AFAP1L2: variants seen among roughly 807,000 people sequenced by gnomAD.
AFAP1L2 encodes actin filament-associated protein 1-like 2.
Under a neutral mutation model 99.3 loss-of-function variants are expected in AFAP1L2, and 46 were observed. That is an observed-to-expected ratio of 0.46 (90% CI 0.37 to 0.59). AFAP1L2 has a LOEUF of 0.59. AFAP1L2 is among the 20% of genes least tolerant of loss of function. The pLI, the probability that AFAP1L2 is intolerant of heterozygous loss-of-function variation, is 0.00. For missense variants in AFAP1L2, 959 were observed against 1,034.9 expected (o/e 0.93, Z 1.01); for synonymous variants, 397 against 419.1 (o/e 0.95, Z 0.64).
intron 5 of AFAP1L2, among the ~76,000 whole-genome samples, chr10:114,320,431 T>C (rs2045010321): frequency 6.6e-6 from 1 of 152,210 alleles, no homozygotes; most frequent in Non-Finnish European, 1.5e-5. Flanking sequence ...CATGTCACAC[T>C]GTTTGACCAG....
downstream of AFAP1L2, among the ~76,000 whole-genome samples, chr10:114,293,854 G>A (rs1449526685): frequency 1.3e-5 from 2 of 151,938 alleles, no homozygotes; most frequent in African/African-American, 4.8e-5. Context: ...TTGTCATTTT[G>A]CATTGCCTGG....
chr10:114,289,008 T>C, the AFAP1L2 span: 7 of 1,614,108 alleles, frequency 4.3e-6, no homozygotes, highest in Admixed American at 1.7e-5. Flanking sequence ...CCGAGAATTT[T>C]GCTCAGATGC....
At chr10:114,384,231 G>A (rs1445994077) in intron 1 of AFAP1L2, among the ~76,000 whole-genome samples, 2 of 152,158 alleles carry the variant, frequency 1.3e-5, no homozygotes, top group Non-Finnish European at 2.9e-5. Context: ...TGGCAGCCAC[G>A]AATCCCATCC....
At chr10:114,327,517 G>A (rs538103277) in intron 4 of AFAP1L2, among the ~76,000 whole-genome samples, 37 of 152,190 alleles carry the variant, frequency 2.4e-4, no homozygotes, top group African/African-American at 7.7e-4. Context: ...AAGGGACTGC[G>A]TGAGCGAGTC....
At chr10:114,290,448 A>T (rs2133718823), downstream of AFAP1L2, 2 of 1,522,124 alleles carry the variant, frequency 1.3e-6, no homozygotes, top group Non-Finnish European at 1.8e-6. Flanking sequence ...AGCTGAAGGC[A>T]GGTTCTAAAA....
chr10:114,281,834 A>G, the AFAP1L2 span: 1 of 808,108 alleles, frequency 1.2e-6, no homozygotes, highest in Non-Finnish European at 1.5e-6. Context: ...AGTGAAGACC[A>G]GAGGAGGAAA....
chr10:114,348,388 C>T (rs915676015), intron 1 of AFAP1L2, among the ~76,000 whole-genome samples: 1 of 152,194 alleles, frequency 6.6e-6, no homozygotes, highest in African/African-American at 2.4e-5. Flanking sequence ...TCTCCCTACT[C>T]CCACAGCATG....
At chr10:114,281,868 C>A in the AFAP1L2 span, 46 of 473,250 alleles carry the variant, frequency 9.7e-5, no homozygotes, top group Admixed American at 5.1e-4. Flanking sequence ...GGTCACACAG[C>A]CAAAATCCAG....
chr10:114,384,145 A>ACATCC (rs764631501), intron 1 of AFAP1L2, among the ~76,000 whole-genome samples: 2 of 152,298 alleles, frequency 1.3e-5, no homozygotes, highest in Non-Finnish European at 2.9e-5. Flanking sequence ...AGAGGAGGAG[A>ACATCC]CATCCCATAA....
Position 114,323,195 on chromosome 10 carries a change from C to T in AFAP1L2, c.382G>A (p.Glu128Lys), listed in dbSNP as rs1385396847. 6.2e-7 allele frequency: 1 copy of T among 1,600,652 alleles called. No individual in the cohort carries two copies. Among genetic ancestry groups the T allele is most frequent in the Non-Finnish European group, 8.5e-7 (1 of 1,172,602 alleles). The change falls in exon 5 of 19, where the codon GAG becomes AAG. Residue 128 changes from glutamate (E) to lysine (K), a missense_variant. Physicochemically the swap from Glu to Lys is moderately conservative, Grantham distance 56. Around this residue, in one of 2 missense-constraint regions of AFAP1L2, gnomAD observed 383 missense variants for 472.8 expected, o/e 0.81. Coordinates refer to ENST00000304129, the MANE Select transcript of AFAP1L2 (RefSeq NM_001001936.3). ...ESPEGYYEEA[E>K]PYDTSLNEDG... The stretch of plus-strand genomic sequence containing the variant: ...CCATTGAGGGATGTGTCATATGGCT[C>T]AGCCTCTTCATAGTAGCCCTCTGGA...
intron 1 of AFAP1L2, among the ~76,000 whole-genome samples, chr10:114,394,658 G>C (rs1346441899): frequency 6.6e-6 from 1 of 152,156 alleles, no homozygotes; most frequent in Non-Finnish European, 1.5e-5. Flanking sequence ...GAGGAAGCAA[G>C]AGATGCAGGT....
intron 4 of AFAP1L2, among the ~76,000 whole-genome samples, chr10:114,324,423 T>C (rs1304895088): frequency 7.1e-6 from 1 of 140,554 alleles, no homozygotes; most frequent in African/African-American, 2.8e-5. Context: ...GGCTAATTTT[T>C]GTATTTTTAG....
At chr10:114,364,851 G>A (rs1022376136) in intron 1 of AFAP1L2, among the ~76,000 whole-genome samples, 1 of 152,152 alleles carries the variant, frequency 6.6e-6, no homozygotes, top group African/African-American at 2.4e-5. Context: ...GGCCAGGAAT[G>A]GGAGGGGGAG....
downstream of AFAP1L2, among the ~76,000 whole-genome samples, chr10:114,292,122 CA>C (rs2039658401): frequency 6.6e-6 from 1 of 151,970 alleles, no homozygotes. Flanking sequence ...ACTAAAAATA[CA>C]AAAGGTAGCC....
At chr10:114,288,308 A>G in the AFAP1L2 span, among the ~76,000 whole-genome samples, 1 of 152,200 alleles carries the variant, frequency 6.6e-6, no homozygotes, top group African/African-American at 2.4e-5. Context: ...CGCTGCCGAC[A>G]TCATTTGTAA....
chr10:114,312,944 A>C (rs891964675), intron 7 of AFAP1L2, among the ~76,000 whole-genome samples: 3 of 152,176 alleles, frequency 2.0e-5, no homozygotes, highest in African/African-American at 7.2e-5. Flanking sequence ...TACTCAGCCT[A>C]GGGGTGGACC....
chr10:114,401,978 G>A (rs765431724), intron 1 of AFAP1L2, among the ~76,000 whole-genome samples: 3 of 152,214 alleles, frequency 2.0e-5, no homozygotes, highest in Non-Finnish European at 2.9e-5. Context: ...CTACCTGAGA[G>A]AGGGAGAGCT....
In AFAP1L2 at chr10:114,377,511, T is replaced by C. The variant is rs534842848; in HGVS notation, c.16+26929A>G. Among the ~76,000 whole-genome samples the C allele has an allele frequency of 2.0e-5, 3 of 152,324 alleles. No individual in the cohort carries two copies. The highest frequency in any genetic ancestry group is 7.2e-5 in the African/African-American group (3 of 41,572). ...TTGCTGTATCATAGACACTGTACCA[T>C]ATGCCATATGTACTTAATCAAGGGA... is the stretch of plus-strand genomic sequence containing the variant. On this transcript the variant is annotated intron_variant, in intron 1 of 18. Transcript: ENST00000304129. This position sits in a 1 kb window ranked among gnomAD's most constrained non-coding sequence, Gnocchi z 4.0.
intron 15 of AFAP1L2, 33 bp from the exon 16 acceptor site, chr10:114,299,448 C>G (rs755466222): frequency 6.2e-7 from 1 of 1,612,394 alleles, no homozygotes; most frequent in East Asian, 2.2e-5. Context: ...CCCAGGTAAG[C>G]AGAGCTGGAT....
Sources: gnomAD v4.1 joint callset for allele counts (sites outside exome capture counted in the v4.1 genomes callset) on GRCh38, gnomAD v4.1.1 for gene constraint, gnomAD v4.1.1 regional missense constraint, Gnocchi (gnomAD v3.1) non-coding constraint, MANE v1.5 for transcripts, NCBI Gene and HGNC (gene_info 2026-07-23, HGNC 2026-07-21) for gene names.